The following ATXN1 variants were observed in gnomAD, a reference collection of about 807,000 sequenced individuals.
ATXN1 encodes the protein ataxin 1.
In ATXN1, 8 loss-of-function variants were observed where a neutral mutation model predicts 56.4. That is an observed-to-expected ratio of 0.14 (90% CI 0.08 to 0.26). The LOEUF (loss-of-function observed/expected upper bound fraction) is 0.26. Ranked by LOEUF, ATXN1 falls within the 10% of genes least tolerant of loss-of-function variation. The pLI is 1.00. For synonymous variants in ATXN1, 514 were observed against 494.6 expected, an observed-to-expected ratio of 1.04 and a Z score of -0.52; for missense variants, 987 against 1,106.5, an observed-to-expected ratio of 0.89 and a Z score of 1.53.
chr6:16,372,680 G>C (rs982468599), intron 6 of ATXN1, among the ~76,000 whole-genome samples: 3 of 152,154 alleles, frequency 2.0e-5, no homozygotes, highest in Non-Finnish European at 4.4e-5. Flanking sequence ...TTGGGAGTCT[G>C]AGGCAGAAGG....
chr6:16,593,269 G>A (rs935246696), intron 3 of ATXN1, among the ~76,000 whole-genome samples: 1 of 152,154 alleles, frequency 6.6e-6, no homozygotes, highest in Admixed American at 6.5e-5. Context: ...ACCACTCAAG[G>A]AGCGACACTG....
chr6:16,404,665 A>G (rs1758646983), intron 6 of ATXN1, among the ~76,000 whole-genome samples: 1 of 151,810 alleles, frequency 6.6e-6, no homozygotes, highest in Non-Finnish European at 1.5e-5. Context: ...CCCCCACCAC[A>G]TGTGCACCAT....
chr6:16,736,476 T>C (rs1760136458), intron 2 of ATXN1, among the ~76,000 whole-genome samples: 1 of 152,072 alleles, frequency 6.6e-6, no homozygotes, highest in Admixed American at 6.5e-5. Flanking sequence ...AAAAGAAAAA[T>C]GCTAGAGGGG....
chr6:16,503,644 T>C (rs1420522450), intron 5 of ATXN1, among the ~76,000 whole-genome samples: 1 of 152,182 alleles, frequency 6.6e-6, no homozygotes, highest in African/African-American at 2.4e-5. Flanking sequence ...AGAAAATGTA[T>C]TCATAGTTAT....
intron 6 of ATXN1, among the ~76,000 whole-genome samples, chr6:16,481,396 G>A (rs1258237647): frequency 5.3e-5 from 8 of 152,150 alleles, no homozygotes; most frequent in Non-Finnish European, 1.2e-4. Flanking sequence ...GCGTGTGTGT[G>A]CAATTCTCTT....
chr6:16,345,654 C>T (rs1263255468), intron 6 of ATXN1, among the ~76,000 whole-genome samples: 1 of 152,206 alleles, frequency 6.6e-6, no homozygotes, highest in African/African-American at 2.4e-5. Flanking sequence ...GGGAAGCCTA[C>T]TTTCTACCTC....
At chr6:16,555,857 T>C (rs1416634741) in intron 4 of ATXN1, among the ~76,000 whole-genome samples, 9 of 152,242 alleles carry the variant, frequency 5.9e-5, no homozygotes, top group Non-Finnish European at 1.3e-4. Context: ...TTACTGTCTT[T>C]TGTTTTGTTT....
At chr6:16,523,079 T>G (rs1020089330) in intron 4 of ATXN1, among the ~76,000 whole-genome samples, 1 of 152,128 alleles carries the variant, frequency 6.6e-6, no homozygotes, top group Non-Finnish European at 1.5e-5. Context: ...GAAGTAATGT[T>G]TCTGTAGAGA....
intron 3 of ATXN1, among the ~76,000 whole-genome samples, chr6:16,604,606 T>TA (rs1554119291): frequency 6.6e-6 from 1 of 150,642 alleles, no homozygotes; most frequent in African/African-American, 2.4e-5. Context: ...TTTTTTTTTT[T>TA]AGACAGGCTT....
chr6:16,424,926 A>G (rs1219217325), intron 6 of ATXN1, among the ~76,000 whole-genome samples: 1 of 152,206 alleles, frequency 6.6e-6, no homozygotes, highest in African/African-American at 2.4e-5. Flanking sequence ...AGAACCATCT[A>G]ATGGCATGGG....
At chr6:16,344,726 G>A (rs1489304332) in intron 6 of ATXN1, among the ~76,000 whole-genome samples, 1 of 152,184 alleles carries the variant, frequency 6.6e-6, no homozygotes, top group Non-Finnish European at 1.5e-5. Context: ...TTGCTCCTCA[G>A]CTTGCAGGTG....
chr6:16,429,822 C>G (rs900078032), intron 6 of ATXN1, among the ~76,000 whole-genome samples: 1 of 152,186 alleles, frequency 6.6e-6, no homozygotes, highest in Non-Finnish European at 1.5e-5. Context: ...TCTTGACAAA[C>G]GGGGGCATGG....
chr6:16,430,676 G>A (rs1026758720), intron 6 of ATXN1, among the ~76,000 whole-genome samples: 7 of 152,194 alleles, frequency 4.6e-5, no homozygotes, highest in Admixed American at 2.6e-4. Context: ...TGTCTATGGC[G>A]ATGATAGGGG....
At chr6:16,425,856 C>A (rs1225719029) in intron 6 of ATXN1, among the ~76,000 whole-genome samples, 2 of 152,176 alleles carry the variant, frequency 1.3e-5, no homozygotes, top group Non-Finnish European at 2.9e-5. Flanking sequence ...TTCCACATCC[C>A]GTAGCAGATG....
At chr6:16,473,821 G>A (rs370791817) in intron 6 of ATXN1, among the ~76,000 whole-genome samples, 17 of 152,276 alleles carry the variant, frequency 1.1e-4, no homozygotes, top group South Asian at 4.2e-4. Context: ...GAAAGTACAC[G>A]TCAGCTTTGA....
intron 6 of ATXN1, among the ~76,000 whole-genome samples, chr6:16,378,311 T>C (rs773522208): frequency 1.4e-4 from 21 of 152,242 alleles, no homozygotes; most frequent in Non-Finnish European, 2.5e-4. Context: ...TACCATGCTA[T>C]GACTTACCAA....
intron 6 of ATXN1, among the ~76,000 whole-genome samples, chr6:16,404,483 A>G (rs1016819469): frequency 3.3e-5 from 5 of 152,192 alleles, no homozygotes; most frequent in Admixed American, 2.0e-4. Flanking sequence ...CCAGAACCTG[A>G]CTAAGCACAA....
At chr6:16,638,445 C>CA (rs11310261) in intron 3 of ATXN1, among the ~76,000 whole-genome samples, 3,230 of 92,140 alleles carry the variant, frequency 0.035, 80 homozygotes, top group East Asian at 0.079. Context: ...GACGCTGCCT[C>CA]AAAAAAAAAA....
intron 5 of ATXN1, among the ~76,000 whole-genome samples, chr6:16,493,350 G>A (rs1047192583): frequency 3.3e-5 from 5 of 151,606 alleles, no homozygotes; most frequent in African/African-American, 9.7e-5. Context: ...TCTACTCCAC[G>A]TGTCAAAATG....
Sources: gnomAD v4.1 joint callset for allele counts (sites outside exome capture counted in the v4.1 genomes callset) on GRCh38, gnomAD v4.1.1 for gene constraint, MANE v1.5 for transcripts, NCBI Gene and HGNC (gene_info 2026-07-23, HGNC 2026-07-21) for gene names.